The following PIK3C2G variants were observed in gnomAD, a reference collection of about 807,000 sequenced individuals.
The protein encoded by PIK3C2G is phosphatidylinositol-4-phosphate 3-kinase catalytic subunit type 2 gamma.
A neutral mutation model predicts 181.1 loss-of-function variants in PIK3C2G; 168 were observed. That is an observed-to-expected ratio of 0.93 (90% CI 0.82 to 1.05). The LOEUF (loss-of-function observed/expected upper bound fraction) is 1.05. Among genes scored for constraint, PIK3C2G ranks in the 50% least tolerant of loss-of-function variants. The probability of loss-of-function intolerance (pLI) is 0.00; values close to 1 mark genes in which losing one functional copy is unlikely to be tolerated. For synonymous variants in PIK3C2G, 573 were observed against 592.2 expected, an observed-to-expected ratio of 0.97 and a Z score of 0.47; for missense variants, 1,869 against 1,732.8, an observed-to-expected ratio of 1.08 and a Z score of -1.40.
At chr12:18,701,560 G>A in the PIK3C2G span, 9 of 1,613,424 alleles carry the variant, frequency 5.6e-6, no homozygotes, top group Non-Finnish European at 7.6e-6. Flanking sequence ...TCCTTGTCTT[G>A]ATTGTCTCCT....
intron 25 of PIK3C2G, among the ~76,000 whole-genome samples, chr12:18,539,653 G>T (rs1333005500): frequency 6.6e-6 from 1 of 151,894 alleles, no homozygotes; most frequent in Non-Finnish European, 1.5e-5. Flanking sequence ...CCACAGAAAA[G>T]TTCCATTGGT....
At chr12:18,425,351 G>T (rs1274638150) in intron 18 of PIK3C2G, among the ~76,000 whole-genome samples, 2 of 143,964 alleles carry the variant, frequency 1.4e-5, no homozygotes, top group Admixed American at 7.0e-5. Context: ...AAGGAAATGG[G>T]TTGCTTTTTT....
chr12:18,245,946 C>T (rs981830082), upstream of PIK3C2G, among the ~76,000 whole-genome samples: 3 of 151,988 alleles, frequency 2.0e-5, no homozygotes, highest in South Asian at 6.2e-4. Context: ...TTTTGCAAAA[C>T]CTCATTAGTA....
At chr12:18,556,488 A>G (rs1945020521) in intron 26 of PIK3C2G, among the ~76,000 whole-genome samples, 2 of 152,206 alleles carry the variant, frequency 1.3e-5, no homozygotes, top group South Asian at 2.1e-4. Context: ...AGGTATGGGC[A>G]TAGTTGAGAT....
At chr12:18,587,550 C>T (rs185399830) in intron 29 of PIK3C2G, among the ~76,000 whole-genome samples, 2 of 151,892 alleles carry the variant, frequency 1.3e-5, no homozygotes, top group East Asian at 3.9e-4. Flanking sequence ...TCAAAGAAAT[C>T]AAAGATGACA....
intron 21 of PIK3C2G, among the ~76,000 whole-genome samples, chr12:18,496,942 G>A (rs191235219): frequency 1.4e-4 from 22 of 152,226 alleles, no homozygotes; most frequent in African/African-American, 4.8e-4. Context: ...AGGATTTTCC[G>A]TGTATAATTT....
Position 18,424,046 on chromosome 12 carries a change from TTAAC to T in PIK3C2G, c.2504+11_2504+14del. 2 of 1,583,086 alleles carry T rather than the reference TTAAC, an allele frequency of 1.3e-6. No homozygotes were observed. Among genetic ancestry groups the T allele is most frequent in the Non-Finnish European group, 1.7e-6 (2 of 1,155,084 alleles). ...TTGCCCATCGTCTTTACTGGTAAGA[TTAAC>T]TAAATCAGGCAAGGATGCCTTTTTA... is the stretch of plus-strand genomic sequence containing the variant. On this transcript the variant is annotated splice_region_variant and intron_variant, in intron 18 of 32. Coordinates refer to ENST00000538779, the MANE Select transcript of PIK3C2G (RefSeq NM_001288772.2).
intron 18 of PIK3C2G, among the ~76,000 whole-genome samples, chr12:18,426,274 G>A (rs1479541937): frequency 6.6e-6 from 1 of 152,086 alleles, no homozygotes; most frequent in Non-Finnish European, 1.5e-5. Flanking sequence ...TGTGATAAGT[G>A]ACATGAATTT....
intron 1 of PIK3C2G, among the ~76,000 whole-genome samples, chr12:18,271,579 A>G (rs1591793370): frequency 6.6e-6 from 1 of 152,248 alleles, no homozygotes; most frequent in South Asian, 2.1e-4. Flanking sequence ...CCAGGGCCAC[A>G]AGTGGACAAA....
chr12:18,445,616 A>T (rs1387459741), intron 18 of PIK3C2G, among the ~76,000 whole-genome samples: 2 of 152,132 alleles, frequency 1.3e-5, no homozygotes, highest in East Asian at 3.8e-4. Context: ...ATATGTGCAA[A>T]ATGATGCATG....
intron 24 of PIK3C2G, among the ~76,000 whole-genome samples, chr12:18,511,164 T>G (rs922711196): frequency 6.6e-6 from 1 of 150,766 alleles, no homozygotes; most frequent in Admixed American, 6.6e-5. Context: ...GAATTTCCCC[T>G]CTTTTAAAAC....
downstream of PIK3C2G, among the ~76,000 whole-genome samples, chr12:18,650,414 G>GAGAATTACA (rs1262681014): frequency 3.5e-5 from 5 of 142,716 alleles, no homozygotes; most frequent in African/African-American, 1.3e-4. Context: ...TTTTTTTTAA[G>GAGAATTACA]AGAATTACAT....
chr12:18,623,813 C>A (rs1343668008), intron 31 of PIK3C2G, among the ~76,000 whole-genome samples: 1 of 151,446 alleles, frequency 6.6e-6, no homozygotes, highest in Admixed American at 6.6e-5. Flanking sequence ...TGGAATTATT[C>A]TCTTGATATC....
intron 2 of PIK3C2G, among the ~76,000 whole-genome samples, chr12:18,286,041 G>C (rs983769448): frequency 6.6e-6 from 1 of 151,964 alleles, no homozygotes; most frequent in African/African-American, 2.4e-5. Flanking sequence ...ATTAATATCA[G>C]AAAAAGTATA....
rs553184492 is a variant in PIK3C2G at position 18,584,037 on chromosome 12, T to G, written c.4012-10457T>G. On this transcript the variant is annotated intron_variant, in intron 29 of 32. Coordinates refer to ENST00000538779, the MANE Select transcript of PIK3C2G (RefSeq NM_001288772.2). ...ATAGACAGTTTTTTTGTTTTTTTGT[T>G]TTTTTTTTTGAGACAGAGTCTCGCT... 3.1e-3 allele frequency among the ~76,000 whole-genome samples: 333 copies of G among 108,034 alleles called. 4 individuals carry two copies. The East Asian group carries it at 0.076, about 25-fold the overall frequency. 70.9% of individuals were successfully genotyped at this position (108,034 alleles called of 152,430 possible). A position where few individuals can be genotyped will look rare whatever the true frequency, so the allele number is the denominator to read the frequency against.
intron 19 of PIK3C2G, among the ~76,000 whole-genome samples, chr12:18,490,985 CATT>C (rs1352950633): frequency 1.2e-4 from 19 of 152,150 alleles, no homozygotes; most frequent in African/African-American, 3.6e-4. Flanking sequence ...GGATTTTTGT[CATT>C]GTTGTTACTA....
At chr12:18,533,223 TG>T (rs1943651995) in intron 24 of PIK3C2G, among the ~76,000 whole-genome samples, 1 of 152,126 alleles carries the variant, frequency 6.6e-6, no homozygotes, top group South Asian at 2.1e-4. Context: ...CTTTTCTCCA[TG>T]GTCCAGAAAT....
At chr12:18,706,924 C>G in the PIK3C2G span, among the ~76,000 whole-genome samples, 3 of 152,188 alleles carry the variant, frequency 2.0e-5, no homozygotes, top group African/African-American at 7.2e-5. Flanking sequence ...GTTGGTAAGG[C>G]TGCACTCCCT....
At chr12:18,317,264 G>C (rs888964681) in intron 6 of PIK3C2G, among the ~76,000 whole-genome samples, 2 of 151,950 alleles carry the variant, frequency 1.3e-5, no homozygotes, top group Admixed American at 1.3e-4. Context: ...ACCTGCCTCA[G>C]CCCCACAAAG....
Sources: gnomAD v4.1 joint callset for allele counts (sites outside exome capture counted in the v4.1 genomes callset) on GRCh38, gnomAD v4.1.1 for gene constraint, MANE v1.5 for transcripts, NCBI Gene and HGNC (gene_info 2026-07-23, HGNC 2026-07-21) for gene names.